The following TGM3 variants were observed in gnomAD, a reference collection of about 807,000 sequenced individuals.
The protein encoded by TGM3 is transglutaminase 3.
Under a neutral mutation model 73.8 loss-of-function variants are expected in TGM3, and 52 were observed. That is an observed-to-expected ratio of 0.70 (90% confidence interval 0.56 to 0.89). TGM3 has a LOEUF of 0.89. TGM3 is among the 40% of genes least tolerant of loss of function. The pLI is 0.00. For missense variants in TGM3, 928 were observed against 909.9 expected (o/e 1.02, Z -0.26); for synonymous variants, 372 against 354.9 (o/e 1.05, Z -0.54).
At chr20:2,339,265 GC>G (rs1460204277) in intron 11 of TGM3, among the ~76,000 whole-genome samples, 1 of 152,214 alleles carries the variant, frequency 6.6e-6, no homozygotes, top group African/African-American at 2.4e-5. Context: ...CACCTGTGGG[GC>G]CTCCCAGAGA....
chr20:2,334,538 C>T lies in TGM3; in HGVS notation c.1643-578C>T, dbSNP rs533496376. Among the ~76,000 whole-genome samples the T allele has an allele frequency of 6.6e-5, 10 of 152,310 alleles. No homozygotes were observed. In the South Asian group the frequency reaches 1.5e-3, roughly 22 times the overall value. On this transcript the variant is annotated intron_variant, in intron 10 of 12. Coordinates refer to ENST00000381458, the MANE Select transcript of TGM3 (RefSeq NM_003245.4). This position sits in a 1 kb window ranked among gnomAD's most constrained non-coding sequence, Gnocchi z 4.0. ...ATTAGATGACGGGGAGGATCCTAAG[C>T]GTTTGTTTAGCCAATACCCTGGCTT...
At chr20:2,321,646 A>T (rs2084263487) in intron 7 of TGM3, among the ~76,000 whole-genome samples, 1 of 152,108 alleles carries the variant, frequency 6.6e-6, no homozygotes, top group Admixed American at 6.5e-5. Flanking sequence ...CTTTTTAATA[A>T]ATGCCTTGGA....
chr20:2,299,759 G>C (rs543268447), intron 1 of TGM3, among the ~76,000 whole-genome samples: 18 of 152,246 alleles, frequency 1.2e-4, no homozygotes, highest in African/African-American at 4.3e-4. Context: ...CTAAGGTAGT[G>C]AGGTCTCAGT....
chr20:2,323,702 G>C (rs947074363), intron 7 of TGM3, among the ~76,000 whole-genome samples: 4 of 152,144 alleles, frequency 2.6e-5, no homozygotes, highest in African/African-American at 9.7e-5. Flanking sequence ...TTTCCCACCT[G>C]GAAATGAGCA....
chr20:2,339,690 G>A (rs920439456), intron 11 of TGM3, among the ~76,000 whole-genome samples, 164 bp from the exon 12 acceptor site: 6 of 152,220 alleles, frequency 3.9e-5, no homozygotes, highest in South Asian at 4.1e-4. Context: ...GGCAGGGGGC[G>A]TCAGACACAA....
intron 7 of TGM3, among the ~76,000 whole-genome samples, chr20:2,322,194 TA>T (rs2084266162): frequency 6.6e-6 from 1 of 152,076 alleles, no homozygotes; most frequent in African/African-American, 2.4e-5. Context: ...AAAATAATTA[TA>T]AAAAAATTCA....
chr20:2,326,780 G>A (rs2084290221), intron 8 of TGM3, among the ~76,000 whole-genome samples: 2 of 152,112 alleles, frequency 1.3e-5, no homozygotes, highest in East Asian at 1.9e-4. Context: ...TCAGGAAACG[G>A]AGGTAAAGCC....
In TGM3 at chr20:2,310,196, C is replaced by A. The variant is rs1427211915; in HGVS notation, c.200C>A (p.Ser67Ter). The change falls in exon 3 of 13, where the codon TCG becomes TAG. Residue 67 changes from serine to a stop codon, truncating the protein, a stop_gained. Coordinates refer to ENST00000381458, the MANE Select transcript of TGM3 (RefSeq NM_003245.4). LOFTEE classifies it high-confidence loss of function. ...IVSTGPYPSE[S>*]AMTKAVFPLS... ...TTGACAGGGCCTTACCCCTCAGAGT[C>A]GGCCATGACGAAGGCTGTGTTTCCA... 1 of 1,614,060 alleles carries A rather than the reference C, an allele frequency of 6.2e-7. No homozygotes were observed. The highest frequency in any genetic ancestry group is 8.5e-7 in the Non-Finnish European group (1 of 1,180,044).
At chr20:2,316,779 C>T (rs763234447) in intron 5 of TGM3, among the ~76,000 whole-genome samples, 7 of 152,110 alleles carry the variant, frequency 4.6e-5, no homozygotes, top group Admixed American at 2.0e-4. Flanking sequence ...ACAAGCTGTG[C>T]TGTCTGTTTC....
At position 2,340,652 on chromosome 20, in the gene TGM3, C is replaced by T. The variant is rs1488526757; in HGVS notation, c.*71C>T. The T allele has an allele frequency of 9.4e-6, 15 of 1,596,040 alleles. No homozygotes were observed. The highest frequency in any genetic ancestry group is 2.7e-5 in the African/African-American group (2 of 74,464). ...GGAGAGCTCACCATGGAATGAACCCCCCGCCCATGCTGTCCGGCCTGGGAA... is the reference window on the plus strand; with the variant it reads ...GGAGAGCTCACCATGGAATGAACCCTCCGCCCATGCTGTCCGGCCTGGGAA... On this transcript the variant is annotated 3_prime_UTR_variant, in exon 13 of 13. Coordinates refer to ENST00000381458, the MANE Select transcript of TGM3 (RefSeq NM_003245.4).
At chr20:2,303,876 T>C (rs2084164538) in intron 1 of TGM3, among the ~76,000 whole-genome samples, 1 of 152,214 alleles carries the variant, frequency 6.6e-6, no homozygotes, top group Non-Finnish European at 1.5e-5. Context: ...AATCAGAGTT[T>C]GGAGATGTCA....
In TGM3 at chr20:2,340,438, C is replaced by T. The variant is rs147532262; in HGVS notation, c.1939C>T (p.Pro647Ser). 4.3e-6 allele frequency: 7 copies of T among 1,613,860 alleles called. No individual in the cohort carries two copies. The Admixed American group carries it at 6.7e-5, about 15-fold the overall frequency. ...LLLGNLKIDVPTLGPKEGSRV... is the reference protein window; with the variant it reads ...LLLGNLKIDVSTLGPKEGSRV... ...GATCTGTGCCCTCCCCATCAGCGTG[C>T]CGACCCTAGGGCCCAAGGAGGGGTC... Residue 647 changes from proline (P) to serine (S), a missense_variant, in exon 13 of 13, where the codon CCG (proline) becomes TCG (serine). Coordinates refer to ENST00000381458, the MANE Select transcript of TGM3 (RefSeq NM_003245.4).
chr20:2,330,808 C>A (rs2084316474), intron 9 of TGM3, among the ~76,000 whole-genome samples: 1 of 151,934 alleles, frequency 6.6e-6, no homozygotes, highest in Non-Finnish European at 1.5e-5. Context: ...GAGTTTGAGA[C>A]CAGCCTGGCC....
chr20:2,329,935 G>A (rs567199986), intron 9 of TGM3, among the ~76,000 whole-genome samples: 7 of 152,144 alleles, frequency 4.6e-5, no homozygotes, highest in Admixed American at 2.6e-4. Context: ...TTTTGCAGGC[G>A]CTGCTTACAT....
chr20:2,333,318 T>A (rs3855686), intron 10 of TGM3, among the ~76,000 whole-genome samples: 106,731 of 151,896 alleles, frequency 0.7, 37,599 homozygotes, highest in East Asian at 0.77. Context: ...TTTCAATATA[T>A]GAAGCAACTG....
At chr20:2,296,718 G>A (rs1470478800) in intron 1 of TGM3, among the ~76,000 whole-genome samples, 1 of 152,070 alleles carries the variant, frequency 6.6e-6, no homozygotes, top group Non-Finnish European at 1.5e-5. Flanking sequence ...AGGGAACAGG[G>A]GTTACAAAGA....
rs573082312 is a variant in TGM3, at chr20:2,336,422, C to T, written c.1800+1149C>T. On this transcript the variant is annotated intron_variant, in intron 11 of 12. Coordinates refer to ENST00000381458, the MANE Select transcript of TGM3 (RefSeq NM_003245.4). ...CCCCAGTTGTCTAGATAGAAATTGCCTTTCCCTGTACAATCACAATGCCAC... is the reference window on the plus strand; with the variant it reads ...CCCCAGTTGTCTAGATAGAAATTGCTTTTCCCTGTACAATCACAATGCCAC... Among the ~76,000 whole-genome samples, 350 of 152,176 alleles carry T rather than the reference C, an allele frequency of 2.3e-3. 1 individual carries two copies. The highest frequency in any genetic ancestry group is 3.6e-3 in the Non-Finnish European group (247 of 67,996).
chr20:2,339,012 C>T (rs1031227636), intron 11 of TGM3, among the ~76,000 whole-genome samples: 14 of 152,252 alleles, frequency 9.2e-5, no homozygotes, highest in African/African-American at 2.4e-4. Context: ...CAAACCCAGC[C>T]TTCATCTGTT....
intron 1 of TGM3, among the ~76,000 whole-genome samples, chr20:2,300,179 GAGAA>G (rs1305267434): frequency 6.9e-6 from 1 of 144,892 alleles, no homozygotes; most frequent in African/African-American, 2.6e-5. Flanking sequence ...GGAAAAGAAA[GAGAA>G]AGAGAAAGAA....
Sources: allele counts gnomAD v4.1 joint callset (sites outside exome capture counted in the v4.1 genomes callset), GRCh38; gene constraint gnomAD v4.1.1; non-coding constraint Gnocchi (gnomAD v3.1); transcripts MANE v1.5; gene names NCBI Gene and HGNC (gene_info 2026-07-23, HGNC 2026-07-21).